The following RNF7 variants were observed in gnomAD, a reference collection of about 807,000 sequenced individuals.
RNF7 encodes the protein ring finger protein 7, also known as RING-box protein 2.
RNF7 carries 9 observed loss-of-function variants against 17.0 expected under a neutral mutation model. That is an observed-to-expected ratio of 0.53 (90% confidence interval 0.32 to 0.92). RNF7 has a LOEUF of 0.92. Ranked by LOEUF, RNF7 falls within the 40% of genes least tolerant of loss-of-function variation. The pLI, the probability that RNF7 is intolerant of heterozygous loss-of-function variation, is 0.04. For missense variants in RNF7, 87 were observed against 145.8 expected, an observed-to-expected ratio of 0.60 and a Z score of 2.08; for synonymous variants, 59 against 50.5, an observed-to-expected ratio of 1.17 and a Z score of -0.72.
At chr3:141,744,582 C>T (rs771724101) in intron 2 of RNF7, among the ~76,000 whole-genome samples, 1 of 152,188 alleles carries the variant, frequency 6.6e-6, no homozygotes, top group African/African-American at 2.4e-5. Flanking sequence ...AGAGACCTCT[C>T]TCTCCAGCCA....
At chr3:141,738,541 G>T in intron 1 of RNF7, 25 bp downstream of exon 1, 1 of 1,580,838 alleles carries the variant, frequency 6.3e-7, no homozygotes, top group Non-Finnish European at 8.6e-7. Context: ...CGAGTCCAGG[G>T]CCGCCCTGCG....
Position 141,747,320 on chromosome 3 carries a change from T to G in RNF7, c.*2043T>G, listed in dbSNP as rs1268747216. On this transcript the variant is annotated 3_prime_UTR_variant, in exon 3 of 3. Transcript: ENST00000273480. Reference sequence around the variant, plus strand: ...TGGGTTCCAATACAAAAGTTAAGCATCAAACAGGTTTTTCTTTCCATTTGA... The same window carrying G: ...TGGGTTCCAATACAAAAGTTAAGCAGCAAACAGGTTTTTCTTTCCATTTGA... The G allele has an allele frequency of 6.6e-6, 1 of 152,238 alleles. No individual in the cohort carries two copies. Among genetic ancestry groups the G allele is most frequent in the African/African-American group, 2.4e-5 (1 of 41,454 alleles). The allele number at this position is 152,238 out of a possible 1,614,324, so 9.4% of individuals were successfully genotyped here.
intron 1 of RNF7, among the ~76,000 whole-genome samples, chr3:141,740,393 C>G (rs2084404692): frequency 6.6e-6 from 1 of 152,134 alleles, no homozygotes; most frequent in Non-Finnish European, 1.5e-5. Context: ...ATGATTGAAA[C>G]TTTGCAACAA....
rs1291231872 is a variant in RNF7, at chr3:141,747,239, A to G, written c.*1962A>G. On this transcript the variant is annotated 3_prime_UTR_variant, in exon 3 of 3. Transcript: ENST00000273480. The stretch of plus-strand genomic sequence containing the variant: ...CCTGCGATGATTACAGCTCATCTGC[A>G]CAGCCATCTGAAAGTTTAATACATA... The G allele has an allele frequency of 1.3e-5, 2 of 152,264 alleles. No homozygotes were observed. The highest frequency in any genetic ancestry group is 4.8e-5 in the African/African-American group (2 of 41,472). The allele number at this position is 152,264 out of a possible 1,614,324, so 9.4% of individuals were successfully genotyped here.
At position 141,745,285 on chromosome 3, in the gene RNF7, T is replaced by G; in HGVS notation, c.*8T>G. 1 of 1,586,846 alleles carries G rather than the reference T, an allele frequency of 6.3e-7. No individual in the cohort carries two copies. ...CAAAGAATCGGCAAATGAGAGTGGT[T>G]AGAAGGCTTCTTAGCGCAGTTGTTC... On this transcript the variant is annotated 3_prime_UTR_variant, in exon 3 of 3. Coordinates refer to ENST00000273480, the MANE Select transcript of RNF7 (RefSeq NM_014245.5).
At chr3:141,738,698 G>A (rs1367146531) in intron 1 of RNF7, among the ~76,000 whole-genome samples, 182 bp downstream of exon 1, 1 of 152,202 alleles carries the variant, frequency 6.6e-6, no homozygotes, top group Non-Finnish European at 1.5e-5. Context: ...GCTCCTGAGG[G>A]CTGCGGCCGC....
At chr3:141,739,524 T>G (rs1424335665) in intron 1 of RNF7, among the ~76,000 whole-genome samples, 4 of 152,226 alleles carry the variant, frequency 2.6e-5, no homozygotes, top group African/African-American at 9.6e-5. Flanking sequence ...AGTGGAATTC[T>G]TTATTGAGGG....
chr3:141,738,589 G>C (rs959715811), intron 1 of RNF7, 73 bp downstream of exon 1: 21 of 1,456,010 alleles, frequency 1.4e-5, no homozygotes, highest in Admixed American at 7.0e-5. Flanking sequence ...GAAGGGACGG[G>C]CGTCCGTCAG....
chr3:141,739,703 G>A (rs1054655375), intron 1 of RNF7, among the ~76,000 whole-genome samples: 1 of 152,090 alleles, frequency 6.6e-6, no homozygotes, highest in African/African-American at 2.4e-5. Flanking sequence ...TTATTCCTAA[G>A]GGCTTGTTTC....
At position 141,746,991 on chromosome 3, in the gene RNF7, A is replaced by C. The variant is rs1305513406; in HGVS notation, c.*1714A>C. 2.0e-5 allele frequency: 3 copies of C among 152,232 alleles called. No individual in the cohort carries two copies. The highest frequency in any genetic ancestry group is 7.2e-5 in the African/African-American group (3 of 41,464). 9.4% of individuals were successfully genotyped at this position (152,232 alleles called of 1,614,324 possible). A position where few individuals can be genotyped will look rare whatever the true frequency, so the allele number is the denominator to read the frequency against. ...TAGAAGGTTGCATCCTTAAAATGTG[A>C]ACCAGATACATGGCTTTGCATTGAA... On this transcript the variant is annotated 3_prime_UTR_variant, in exon 3 of 3. Coordinates refer to ENST00000273480, the MANE Select transcript of RNF7 (RefSeq NM_014245.5).
rs2084468823 is a variant in RNF7, at chr3:141,746,030, G to A, written c.*753G>A. On this transcript the variant is annotated 3_prime_UTR_variant, in exon 3 of 3. Coordinates refer to ENST00000273480, the MANE Select transcript of RNF7 (RefSeq NM_014245.5). ...CTTGCTCTGCCACCCAGGCTGGAGT[G>A]CAGTGGCATGATGTCAACTCACTGC... 6.7e-6 allele frequency: 1 copy of A among 149,854 alleles called. No homozygotes were observed. The highest frequency in any genetic ancestry group is 1.5e-5 in the Non-Finnish European group (1 of 67,792). The allele number at this position is 149,854 out of a possible 1,614,324, so 9.3% of individuals were successfully genotyped here. A position where few individuals can be genotyped will look rare whatever the true frequency, so the allele number is the denominator to read the frequency against.
chr3:141,742,888 A>G, intron 1 of RNF7: 1 of 1,097,916 alleles, frequency 9.1e-7, no homozygotes, highest in Non-Finnish European at 1.1e-6. Context: ...ATGAGTTGCT[A>G]AAGGAAGGCT....
intron 1 of RNF7, chr3:141,743,011 A>C: frequency 1.6e-6 from 1 of 611,990 alleles, no homozygotes; most frequent in Non-Finnish European, 2.1e-6. Flanking sequence ...GAAGTTATGT[A>C]TATTACCTGG....
intron 1 of RNF7, chr3:141,742,540 T>G: frequency 2.0e-6 from 2 of 998,478 alleles, no homozygotes; most frequent in South Asian, 2.9e-5. Context: ...CCTTAGTGTT[T>G]AGGGATATCT....
Position 141,742,327 on chromosome 3 carries a change from C to T in RNF7, c.176-1182C>T, listed in dbSNP as rs968196843. 2.9e-4 allele frequency among the ~76,000 whole-genome samples: 44 copies of T among 150,960 alleles called. No individual in the cohort carries two copies. The South Asian group carries it at 3.6e-3, about 12-fold the overall frequency. ...CTGCAAGCTCTGCCTCCTGGGTTCA[C>T]GCCATTCTCCTGCCTCAGCCTCCCG... On this transcript the variant is annotated intron_variant, in intron 1 of 2. Transcript: ENST00000273480.
At chr3:141,739,759 T>C (rs959779659) in intron 1 of RNF7, among the ~76,000 whole-genome samples, 2 of 152,236 alleles carry the variant, frequency 1.3e-5, no homozygotes, top group Admixed American at 6.5e-5. Context: ...TATCTTTCTC[T>C]TTTGAAAGAC....
chr3:141,742,785 A>C, intron 1 of RNF7: 1 of 1,268,250 alleles, frequency 7.9e-7, no homozygotes, highest in Non-Finnish European at 1.0e-6. Flanking sequence ...TGTCTGGATG[A>C]CCATCGGTAG....
intron 2 of RNF7, among the ~76,000 whole-genome samples, chr3:141,744,344 CTTAT>C (rs1040269465): frequency 2.0e-5 from 3 of 151,772 alleles, no homozygotes; most frequent in African/African-American, 7.3e-5. Context: ...TTTTTTCTGC[CTTAT>C]TTCTTTCATT....
At chr3:141,738,553 C>T (rs567472520) in intron 1 of RNF7, 37 bp downstream of exon 1, 1 of 1,552,204 alleles carries the variant, frequency 6.4e-7, no homozygotes, top group Admixed American at 1.9e-5. Context: ...CGCCCTGCGG[C>T]CTCCGGGAGC....
Sources: gnomAD v4.1 joint callset for allele counts (sites outside exome capture counted in the v4.1 genomes callset) on GRCh38, gnomAD v4.1.1 for gene constraint, MANE v1.5 for transcripts, NCBI Gene and HGNC (gene_info 2026-07-23, HGNC 2026-07-21) for gene names.